The following ODF4 variants were observed in gnomAD, a reference collection of about 807,000 sequenced individuals.
ODF4 encodes the protein outer dense fiber protein 4.
In ODF4, 11 loss-of-function variants were observed where a neutral mutation model predicts 17.0. The ratio of observed to expected loss-of-function variants is 0.65; its 90% CI spans 0.41 to 1.07. The LOEUF (loss-of-function observed/expected upper bound fraction) is 1.07. Among genes scored for constraint, ODF4 ranks in the 50% least tolerant of loss-of-function variants. The pLI, the probability that ODF4 is intolerant of heterozygous loss-of-function variation, is 0.00. For missense variants in ODF4, 281 were observed against 310.2 expected, an observed-to-expected ratio of 0.91 and a Z score of 0.71; for synonymous variants, 127 against 121.8, an observed-to-expected ratio of 1.04 and a Z score of -0.28.
chr17:8,342,533 G>A (rs1906066462), intron 1 of ODF4, among the ~76,000 whole-genome samples: 1 of 152,166 alleles, frequency 6.6e-6, no homozygotes, highest in African/African-American at 2.4e-5. Context: ...TTACAGGCGT[G>A]AGCCACCGCA....
rs1214641808 is a variant in ODF4, at chr17:8,340,011, G to C, written c.-41G>C. On this transcript the variant is annotated 5_prime_UTR_variant, in exon 1 of 3. Transcript: ENST00000328248. ...AAGATGAGAAGAGACAATTGAGTCT[G>C]GTGAGGGAAAGGGGAGACAGAGGGT... The C allele has an allele frequency of 1.5e-6, 2 of 1,295,434 alleles. No homozygotes were observed. The highest frequency in any genetic ancestry group is 1.5e-5 in the South Asian group (1 of 65,632). The allele number at this position is 1,295,434 out of a possible 1,614,324, so 80.2% of individuals were successfully genotyped here.
In ODF4 at chr17:8,340,003, T is replaced by G; in HGVS notation, c.-49T>G. ...ATATCCAAAAGATGAGAAGAGACAA[T>G]TGAGTCTGGTGAGGGAAAGGGGAGA... On this transcript the variant is annotated 5_prime_UTR_variant, in exon 1 of 3. Coordinates refer to ENST00000328248, the MANE Select transcript of ODF4 (RefSeq NM_153007.5). 1 of 1,216,222 alleles carries G rather than the reference T, an allele frequency of 8.2e-7. No individual in the cohort carries two copies. Among genetic ancestry groups the G allele is most frequent in the Non-Finnish European group, 1.1e-6 (1 of 874,534 alleles). The allele number at this position is 1,216,222 out of a possible 1,614,324, so 75.3% of individuals were successfully genotyped here.
In ODF4 at chr17:8,345,224, C is replaced by T; in HGVS notation, c.455-119C>T. The T allele has an allele frequency of 1.0e-6, 1 of 979,976 alleles. No individual in the cohort carries two copies. Among genetic ancestry groups the T allele is most frequent in the East Asian group, 2.4e-5 (1 of 41,334 alleles). 60.7% of individuals were successfully genotyped at this position (979,976 alleles called of 1,614,324 possible). A position where few individuals can be genotyped will look rare whatever the true frequency, so the allele number is the denominator to read the frequency against. On this transcript the variant is annotated intron_variant, in intron 1 of 2. Transcript: ENST00000328248. The surrounding 1 kb of genome is among the most constrained non-coding windows in gnomAD (Gnocchi z 4.1). ...AAATGCAGGGGTTGACTCCTGGAAC[C>T]TCAGGGCCAGTCACTCTGTGTGTGG...
At chr17:8,342,163 C>G (rs1165839743) in intron 1 of ODF4, among the ~76,000 whole-genome samples, 1 of 152,188 alleles carries the variant, frequency 6.6e-6, no homozygotes, top group African/African-American at 2.4e-5. Context: ...GTTGGAATTG[C>G]AACTCAGGTG....
In ODF4 at chr17:8,344,856, T is replaced by G. The variant is rs1427852520; in HGVS notation, c.455-487T>G. On this transcript the variant is annotated intron_variant, in intron 1 of 2. Transcript: ENST00000328248. Reference sequence around the variant, plus strand: ...GTAAATCCTTAGTTGATCTTGTTTGTTTGTCATTTTCCCCAGGCAGTTTTA... The same window carrying G: ...GTAAATCCTTAGTTGATCTTGTTTGGTTGTCATTTTCCCCAGGCAGTTTTA... 54 of 986,396 alleles carry G rather than the reference T, an allele frequency of 5.5e-5. 1 individual carries two copies. The highest frequency in any genetic ancestry group is 6.5e-5 in the Non-Finnish European group (54 of 830,454). 61.1% of individuals were successfully genotyped at this position (986,396 alleles called of 1,614,324 possible).
Position 8,345,584 on chromosome 17 carries a change from C to G in ODF4, c.590-84C>G, listed in dbSNP as rs1906210855. 2 of 1,522,398 alleles carry G rather than the reference C, an allele frequency of 1.3e-6. No homozygotes were observed. Among genetic ancestry groups the G allele is most frequent in the Non-Finnish European group, 1.8e-6 (2 of 1,107,042 alleles). 94.3% of individuals were successfully genotyped at this position (1,522,398 alleles called of 1,614,324 possible). A position where few individuals can be genotyped will look rare whatever the true frequency, so the allele number is the denominator to read the frequency against. ...ATCCCCAGGGCTAGATTTTTAGGGTCTTATCTTCCCTTTGGTCTCACCCTA... is the reference window on the plus strand; with the variant it reads ...ATCCCCAGGGCTAGATTTTTAGGGTGTTATCTTCCCTTTGGTCTCACCCTA... On this transcript the variant is annotated intron_variant, in intron 2 of 2. Transcript: ENST00000328248. The surrounding 1 kb of genome is among the most constrained non-coding windows in gnomAD (Gnocchi z 4.1).
Position 8,345,779 on chromosome 17 carries a change from C to T in ODF4, c.701C>T (p.Ala234Val), listed in dbSNP as rs1235838784. Residue 234 changes from alanine to valine, a missense_variant, in exon 3 of 3, where the codon GCA becomes GTA. By Grantham distance (64) the Ala-to-Val change is moderately conservative. Transcript: ENST00000328248. This position sits in a 1 kb window ranked among gnomAD's most constrained non-coding sequence, Gnocchi z 4.1. ...GGCTCAGTAGAAGAATCTCCAAGGGCACAGACGATCACAGACACCCCCATC... is the reference window on the plus strand; with the variant it reads ...GGCTCAGTAGAAGAATCTCCAAGGGTACAGACGATCACAGACACCCCCATC... ...SFGSVEESPR[A>V]QTITDTPITQ... The T allele has an allele frequency of 6.2e-7, 1 of 1,613,994 alleles. No homozygotes were observed. Among genetic ancestry groups the T allele is most frequent in the Non-Finnish European group, 8.5e-7 (1 of 1,179,988 alleles).
Position 8,339,952 on chromosome 17 carries a change from A to G in ODF4, c.-100A>G, listed in dbSNP as rs903893467. On this transcript the variant is annotated 5_prime_UTR_variant, in exon 1 of 3. Coordinates refer to ENST00000328248, the MANE Select transcript of ODF4 (RefSeq NM_153007.5). ...ACTTCCTCATTCTTTCTCAGACCTC[A>G]GGCTGCATGGTGGCAGCTGATGAAA... 4 of 704,288 alleles carry G rather than the reference A, an allele frequency of 5.7e-6. No homozygotes were observed. The African/African-American group carries it at 7.1e-5, about 12-fold the overall frequency. 43.6% of individuals were successfully genotyped at this position (704,288 alleles called of 1,614,324 possible). A position where few individuals can be genotyped will look rare whatever the true frequency, so the allele number is the denominator to read the frequency against.
At position 8,345,346 on chromosome 17, in the gene ODF4, C is replaced by G; in HGVS notation, c.458C>G (p.Thr153Ser). 6.2e-7 allele frequency: 1 copy of G among 1,613,522 alleles called. No homozygotes were observed. The change falls in exon 2 of 3, where the codon ACC becomes AGC. Residue 153 changes from threonine to serine, a missense_variant. Physicochemically the swap from Thr to Ser is moderately conservative, Grantham distance 58. Coordinates refer to ENST00000328248, the MANE Select transcript of ODF4 (RefSeq NM_153007.5). This position sits in a 1 kb window ranked among gnomAD's most constrained non-coding sequence, Gnocchi z 4.1. The stretch of plus-strand genomic sequence containing the variant: ...CCCTCTGCCTCCTGTCTCCTAGTCA[C>G]CTTCATCTTCTCCACCCTCATGCTA... ...SCSDLENGKVTFIFSTLMLFP... is the reference protein window; with the variant it reads ...SCSDLENGKVSFIFSTLMLFP...
In ODF4 at chr17:8,345,721, C is replaced by G; in HGVS notation, c.643C>G (p.Pro215Ala). ...TTTCTGGAGTCTGATTCTGAGCCAC[C>G]CCAGTGGTGCCGTGTCCTGCAGCAG... ...KSFWSLILSH[P>A]SGAVSCSSSF... is the part of the protein sequence containing the mutation. The change falls in exon 3 of 3, where the codon CCC becomes GCC. Residue 215 changes from proline (P) to alanine (A), a missense_variant. Coordinates refer to ENST00000328248, the MANE Select transcript of ODF4 (RefSeq NM_153007.5). This position sits in a 1 kb window ranked among gnomAD's most constrained non-coding sequence, Gnocchi z 4.1. 6 of 1,614,108 alleles carry G rather than the reference C, an allele frequency of 3.7e-6. No homozygotes were observed. Among genetic ancestry groups the G allele is most frequent in the Non-Finnish European group, 3.4e-6 (4 of 1,180,000 alleles).
At chr17:8,340,628 G>A (rs1905974148) in intron 1 of ODF4, 123 bp downstream of exon 1, 8 of 626,506 alleles carry the variant, frequency 1.3e-5, no homozygotes, top group South Asian at 3.9e-5. Context: ...CTGCAAGATG[G>A]TTCCACTGGC....
chr17:8,340,488 A>T lies in ODF4; in HGVS notation c.437A>T (p.Asp146Val). ...LHFYKSRSCS[D>V]LENGKVTFIF... ...TTTTACAAATCCAGGAGCTGTTCTG[A>T]CTTAGAGAATGGGAAAGGTGAGCCC... Residue 146 changes from aspartate to valine, a missense_variant, in exon 1 of 3, where the codon GAC becomes GTC. Transcript: ENST00000328248. The T allele has an allele frequency of 1.9e-6, 3 of 1,610,602 alleles. No individual in the cohort carries two copies. Among genetic ancestry groups the T allele is most frequent in the Non-Finnish European group, 2.5e-6 (3 of 1,178,170 alleles).
chr17:8,345,365 C>T lies in ODF4; in HGVS notation c.477C>T (p.Leu159=). 6.2e-7 allele frequency: 1 copy of T among 1,613,908 alleles called. No individual in the cohort carries two copies. ...NGKVTFIFST[L]MLFPINIWIF... is the part of the protein sequence containing the mutation. The stretch of plus-strand genomic sequence containing the variant: ...TAGTCACCTTCATCTTCTCCACCCT[C>T]ATGCTATTCCCCATTAACATCTGGA... The change falls in exon 2 of 3, where the codon CTC becomes CTT. Residue 159 remains leucine (L), a synonymous_variant. Coordinates refer to ENST00000328248, the MANE Select transcript of ODF4 (RefSeq NM_153007.5). This position sits in a 1 kb window ranked among gnomAD's most constrained non-coding sequence, Gnocchi z 4.1.
At chr17:8,344,778 C>A in intron 1 of ODF4, 1 of 754,740 alleles carries the variant, frequency 1.3e-6, no homozygotes, top group Non-Finnish European at 1.6e-6. Flanking sequence ...TGAGTCACCG[C>A]GCCTGGCGGT....
chr17:8,344,496 CTTTTTTG>C lies in ODF4; in HGVS notation c.455-832_455-826del, dbSNP rs1417413125. Among the ~76,000 whole-genome samples, 4 of 126,690 alleles carry C rather than the reference CTTTTTTG, an allele frequency of 3.2e-5. 1 individual carries two copies. The South Asian group carries it at 7.3e-4, about 23-fold the overall frequency. The allele number at this position is 126,690 out of a possible 152,430, so 83.1% of individuals were successfully genotyped here. On this transcript the variant is annotated intron_variant, in intron 1 of 2. Transcript: ENST00000328248. The stretch of plus-strand genomic sequence containing the variant: ...ATGGGTCTGTACATTTTCTTTCTGT[CTTTTTTG>C]TTTTTTGTTTTTTGCAGGCGGCGTC...
intron 1 of ODF4, among the ~76,000 whole-genome samples, chr17:8,341,250 G>A (rs1195133120): frequency 6.6e-6 from 1 of 151,530 alleles, no homozygotes; most frequent in Admixed American, 6.6e-5. Flanking sequence ...TTCATTAATC[G>A]CCTAATTTAC....
At chr17:8,341,190 CA>C (rs1165273046) in intron 1 of ODF4, among the ~76,000 whole-genome samples, 3,616 of 135,790 alleles carry the variant, frequency 0.027, 47 homozygotes, top group Middle Eastern at 0.064. Context: ...AACTCTGTCT[CA>C]AAAAAAAAAA....
chr17:8,340,840 A>G (rs1905981255), intron 1 of ODF4, among the ~76,000 whole-genome samples: 1 of 151,338 alleles, frequency 6.6e-6, no homozygotes, highest in Non-Finnish European at 1.5e-5. Context: ...GCTTGGGCCC[A>G]AGAATTTGAG....
chr17:8,340,126 G>GGAAA lies in ODF4; in HGVS notation c.77_80dup (p.Ser29GlufsTer11), dbSNP rs1468678272. ...GAGACCAACATCAGAGACCTGGAAA[G>GGAAA]GAAAGGAAGAGTGGGGAGGCAGGAT... is the stretch of plus-strand genomic sequence containing the variant. On this transcript the variant is annotated frameshift_variant, in exon 1 of 3. Transcript: ENST00000328248. LOFTEE classifies it high-confidence loss of function. The GGAAA allele has an allele frequency of 1.3e-6, 2 of 1,554,952 alleles. No individual in the cohort carries two copies. The highest frequency in any genetic ancestry group is 2.7e-5 in the African/African-American group (2 of 72,948).
Sources: gnomAD v4.1 joint callset for allele counts (sites outside exome capture counted in the v4.1 genomes callset) on GRCh38, gnomAD v4.1.1 for gene constraint, Gnocchi (gnomAD v3.1) non-coding constraint, MANE v1.5 for transcripts, NCBI Gene and HGNC (gene_info 2026-07-23, HGNC 2026-07-21) for gene names.